The following ANKRD30B variants were observed in gnomAD, a reference collection of about 807,000 sequenced individuals.
ANKRD30B encodes ankyrin repeat domain 30B.
Under a neutral mutation model 202.2 loss-of-function variants are expected in ANKRD30B, and 144 were observed. That is an observed-to-expected ratio of 0.71 (90% CI 0.62 to 0.82). The LOEUF is 0.82. Ranked by LOEUF, ANKRD30B falls within the 40% of genes least tolerant of loss-of-function variation. The pLI, the probability that ANKRD30B is intolerant of heterozygous loss-of-function variation, is 0.00. For missense variants in ANKRD30B, 1,487 were observed against 1,669.1 expected, an observed-to-expected ratio of 0.89 and a Z score of 1.90; for synonymous variants, 508 against 561.3, an observed-to-expected ratio of 0.91 and a Z score of 1.34.
At chr18:14,908,936 T>C in the ANKRD30B span, among the ~76,000 whole-genome samples, 1 of 152,200 alleles carries the variant, frequency 6.6e-6, no homozygotes, top group Admixed American at 6.5e-5. Flanking sequence ...CAGGACTCAC[T>C]GCCACTAGTC....
At chr18:14,845,933 C>T (rs1598715890) in intron 39 of ANKRD30B, among the ~76,000 whole-genome samples, 1 of 152,256 alleles carries the variant, frequency 6.6e-6, no homozygotes, top group South Asian at 2.1e-4. Flanking sequence ...GACCTAATTA[C>T]ATCCAAAAAC....
chr18:14,877,075 T>C, the ANKRD30B span, among the ~76,000 whole-genome samples: 2 of 152,240 alleles, frequency 1.3e-5, no homozygotes, highest in Non-Finnish European at 2.9e-5. Context: ...CAGCAGTCTC[T>C]TCTTTGAGTA....
intron 26 of ANKRD30B, among the ~76,000 whole-genome samples, chr18:14,809,272 T>C (rs1158978680): frequency 2.0e-5 from 3 of 150,936 alleles, no homozygotes; most frequent in South Asian, 2.1e-4. Context: ...ATTTACAATA[T>C]AGTGTGTGCA....
the ANKRD30B span, among the ~76,000 whole-genome samples, chr18:14,931,711 T>C: frequency 0.92 from 139,967 of 152,174 alleles, 65,624 homozygotes; most frequent in Non-Finnish European, 1. Flanking sequence ...ACAGCATCCA[T>C]GGCCTTAGGC....
chr18:14,861,563 G>A, the ANKRD30B span, among the ~76,000 whole-genome samples: 5 of 150,374 alleles, frequency 3.3e-5, no homozygotes, highest in East Asian at 1.9e-4. Flanking sequence ...TCAATTCAAC[G>A]AGAAGACTTA....
At chr18:14,793,053 A>G (rs937671062) in intron 16 of ANKRD30B, among the ~76,000 whole-genome samples, 1 of 152,152 alleles carries the variant, frequency 6.6e-6, no homozygotes, top group African/African-American at 2.4e-5. Context: ...AGGGCTAATT[A>G]AGTTTGCTGT....
At position 14,791,455 on chromosome 18, in the gene ANKRD30B, CA is replaced by C; in HGVS notation, c.1794del (p.Glu599AsnfsTer5). 6.2e-7 allele frequency: 1 copy of C among 1,610,558 alleles called. No individual in the cohort carries two copies. ...TGTGTATTTACCCAAAGCTACACAT[CA>C]AAAAGAATTCGATACCTTAAGTGGA... ...KDVYLPKATH[Q>X]KEFDTLSGKL... On this transcript the variant is annotated frameshift_variant, in exon 16 of 44. Transcript: ENST00000690538. LOFTEE classifies it high-confidence loss of function.
At chr18:14,867,335 A>T in the ANKRD30B span, among the ~76,000 whole-genome samples, 1 of 63,970 alleles carries the variant, frequency 1.6e-5, no homozygotes, top group Admixed American at 2.2e-4. Context: ...TAGGGGTGGT[A>T]TGGGGGGAGG....
intron 37 of ANKRD30B, among the ~76,000 whole-genome samples, chr18:14,840,969 A>C (rs559589124): frequency 2.0e-5 from 3 of 152,374 alleles, no homozygotes; most frequent in African/African-American, 7.2e-5. Context: ...TACATGAGGG[A>C]ACAAGAAGCA....
At chr18:14,878,943 G>A in the ANKRD30B span, among the ~76,000 whole-genome samples, 1 of 152,190 alleles carries the variant, frequency 6.6e-6, no homozygotes, top group East Asian at 1.9e-4. Flanking sequence ...GGGCGGAGCT[G>A]AGTTCTCCTC....
chr18:14,778,668 A>C (rs1219706763), intron 10 of ANKRD30B, among the ~76,000 whole-genome samples: 2 of 152,216 alleles, frequency 1.3e-5, no homozygotes, highest in Non-Finnish European at 2.9e-5. Context: ...GAAGTTTTCA[A>C]ACTTTAGAAA....
chr18:14,839,453 C>T (rs1971321205), intron 36 of ANKRD30B, among the ~76,000 whole-genome samples: 1 of 152,082 alleles, frequency 6.6e-6, no homozygotes, highest in Non-Finnish European at 1.5e-5. Context: ...TTAACAACCT[C>T]GAATGACTAG....
At position 14,806,699 on chromosome 18, in the gene ANKRD30B, C is replaced by T. The variant is rs557306337; in HGVS notation, c.2285-1852C>T. ...GATAGCTCTGAATGTTTCATCTCTG[C>T]GTGTTTTGCTTTTTTATCTTGTCTT... On this transcript the variant is annotated intron_variant, in intron 24 of 43. Coordinates refer to ENST00000690538, the MANE Select transcript of ANKRD30B (RefSeq NM_001367607.2). Among the ~76,000 whole-genome samples the T allele has an allele frequency of 3.4e-3, 504 of 148,772 alleles. 25 individuals are homozygous for T. Among genetic ancestry groups the T allele is most frequent in the African/African-American group, 0.011 (455 of 40,082 alleles).
chr18:14,888,492 A>C, the ANKRD30B span, among the ~76,000 whole-genome samples: 7 of 152,150 alleles, frequency 4.6e-5, no homozygotes, highest in South Asian at 1.5e-3. Context: ...TTTAGTTACT[A>C]AATCTGATTT....
Position 14,837,244 on chromosome 18 carries a change from G to A in ANKRD30B, c.2881G>A (p.Glu961Lys). Residue 961 changes from glutamate to lysine, a missense_variant, in exon 35 of 44, where the codon GAA becomes AAA. Around this residue, in one of 6 missense-constraint regions of ANKRD30B, gnomAD observed 218 missense variants for 320.1 expected, o/e 0.68. Coordinates refer to ENST00000690538, the MANE Select transcript of ANKRD30B (RefSeq NM_001367607.2). ...AACAAAGACAGTAACTGGACAACAG[G>A]AACGTGATATTGGCATTATTGAACG... ...GATKTVTGQQ[E>K]RDIGIIERAP... is the part of the protein sequence containing the mutation. The A allele has an allele frequency of 1.9e-6, 3 of 1,549,644 alleles. No homozygotes were observed. Among genetic ancestry groups the A allele is most frequent in the Non-Finnish European group, 2.6e-6 (3 of 1,146,078 alleles).
chr18:14,810,340 A>G (rs1969843009), intron 28 of ANKRD30B, among the ~76,000 whole-genome samples, 160 bp downstream of exon 28: 2 of 151,384 alleles, frequency 1.3e-5, no homozygotes, highest in South Asian at 4.2e-4. Context: ...AGAAAATGCC[A>G]TTTAGAAGCA....
rs9748833 is a variant in ANKRD30B at position 14,850,238 on chromosome 18, G to A, written c.3420G>A (p.Glu1140=). 3.1e-3 allele frequency: 4,795 copies of A among 1,568,544 alleles called. 140 individuals carry two copies. In the African/African-American group the frequency reaches 0.058, roughly 19 times the overall value. Residue 1140 remains glutamate (E), a synonymous_variant, in exon 41 of 44, where the codon GAG becomes GAA. Transcript: ENST00000690538. ...GATTGACTTTAAATCAAGAAGAAGAGAAGAGAAGAAATGTCGATATATTAA... is the reference window on the plus strand; with the variant it reads ...GATTGACTTTAAATCAAGAAGAAGAAAAGAGAAGAAATGTCGATATATTAA... ...SVRLTLNQEE[E]KRRNVDILKE... is the part of the protein sequence containing the mutation.
At chr18:14,863,995 A>G in the ANKRD30B span, among the ~76,000 whole-genome samples, 207 of 152,244 alleles carry the variant, frequency 1.4e-3, 1 homozygote, top group Middle Eastern at 6.8e-3. Context: ...AACAGAATTT[A>G]AAACAAAAAT....
chr18:14,938,030 G>C, the ANKRD30B span, among the ~76,000 whole-genome samples: 1 of 152,082 alleles, frequency 6.6e-6, no homozygotes, highest in African/African-American at 2.4e-5. Context: ...TTTCCATTCC[G>C]CACTGATGAT....
Sources: gnomAD v4.1 joint callset for allele counts (sites outside exome capture counted in the v4.1 genomes callset) on GRCh38, gnomAD v4.1.1 for gene constraint, gnomAD v4.1.1 regional missense constraint, MANE v1.5 for transcripts, NCBI Gene and HGNC (gene_info 2026-07-23, HGNC 2026-07-21) for gene names.